Variants in NBAS observed in about 807,000 individuals in gnomAD.
NBAS encodes the protein NAG/BC035112 fusion.
In NBAS, 219 loss-of-function variants were observed where a neutral mutation model predicts 302.5. That is an observed-to-expected ratio of 0.72 (90% confidence interval 0.65 to 0.81). The LOEUF (loss-of-function observed/expected upper bound fraction) is 0.81. Among genes scored for constraint, NBAS ranks in the 30% least tolerant of loss-of-function variants. The probability of loss-of-function intolerance (pLI) is 0.00; values close to 1 mark genes in which losing one functional copy is unlikely to be tolerated. For missense variants in NBAS, 2,932 were observed against 2,841.6 expected, an observed-to-expected ratio of 1.03 and a Z score of -0.72; for synonymous variants, 1,118 against 1,021.6, an observed-to-expected ratio of 1.09 and a Z score of -1.80.
downstream of NBAS, among the ~76,000 whole-genome samples, chr2:15,163,497 G>A (rs529525777): frequency 6.6e-6 from 1 of 152,296 alleles, no homozygotes; most frequent in Admixed American, 6.5e-5. Context: ...GAGGGACTCA[G>A]GGACTCGGGC....
the NBAS span, among the ~76,000 whole-genome samples, chr2:15,154,552 T>TAC: frequency 6.6e-6 from 1 of 152,226 alleles, no homozygotes; most frequent in African/African-American, 2.4e-5. Flanking sequence ...GTGTACCTTC[T>TAC]ACATTCTTGC....
At chr2:15,551,934 T>C (rs1664403731) in intron 5 of NBAS, among the ~76,000 whole-genome samples, 1 of 152,222 alleles carries the variant, frequency 6.6e-6, no homozygotes, top group Non-Finnish European at 1.5e-5. Context: ...TGTATCATAT[T>C]ACAAAGTTTG....
chr2:14,924,607 A>T, the NBAS span, among the ~76,000 whole-genome samples: 2 of 152,206 alleles, frequency 1.3e-5, no homozygotes, highest in African/African-American at 4.8e-5. Flanking sequence ...TTCATATATA[A>T]TAATGTCCCG....
intron 51 of NBAS, 85 bp downstream of exon 51, chr2:15,178,903 T>G: frequency 6.3e-7 from 1 of 1,576,076 alleles, no homozygotes; most frequent in East Asian, 2.3e-5. Context: ...AACCACGGTG[T>G]TATTTATGAG....
At chr2:14,809,022 A>G in the NBAS span, among the ~76,000 whole-genome samples, 372 of 152,334 alleles carry the variant, frequency 2.4e-3, no homozygotes, top group African/African-American at 8.1e-3. Flanking sequence ...GAAGATGTAG[A>G]GTATCTAGCA....
the NBAS span, among the ~76,000 whole-genome samples, chr2:14,849,347 G>A: frequency 2.0e-5 from 3 of 151,494 alleles, no homozygotes; most frequent in African/African-American, 7.3e-5. Context: ...AAGATGAAAT[G>A]AATGAAATGA....
intron 35 of NBAS, among the ~76,000 whole-genome samples, chr2:15,345,060 G>A (rs747000522): frequency 3.9e-5 from 6 of 152,070 alleles, no homozygotes; most frequent in Non-Finnish European, 8.8e-5. Context: ...CACATTAAAT[G>A]GGCAAAAACT....
rs1342728047 is a variant in NBAS at position 15,542,025 on chromosome 2, G to A, written c.380-2669C>T. On this transcript the variant is annotated intron_variant, in intron 6 of 51. Transcript: ENST00000281513. Reference sequence around the variant, plus strand: ...GGTGGGGGGGTTCAGCCCCCCGCCCGGCCAGCCGCCCCGTCCAGGAGGTGA... The same window carrying A: ...GGTGGGGGGGTTCAGCCCCCCGCCCAGCCAGCCGCCCCGTCCAGGAGGTGA... 5.0e-5 allele frequency among the ~76,000 whole-genome samples: 4 copies of A among 80,198 alleles called. 2 individuals are homozygous for A. Among genetic ancestry groups the A allele is most frequent in the African/African-American group, 9.0e-5 (2 of 22,226 alleles). The allele number at this position is 80,198 out of a possible 152,430, so 52.6% of individuals were successfully genotyped here. A position where few individuals can be genotyped will look rare whatever the true frequency, so the allele number is the denominator to read the frequency against.
At position 15,186,699 on chromosome 2, in the gene NBAS, G is replaced by C. The variant is rs200909346; in HGVS notation, c.6711+43C>G. 1.8e-5 allele frequency: 29 copies of C among 1,613,174 alleles called. No individual in the cohort carries two copies. The East Asian group carries it at 6.5e-4, about 36-fold the overall frequency. Reference sequence around the variant, plus strand: ...TGCTTACAATAAAGAGTTCTGATAAGCAAAGGCCACTCCTTAGGAAAGCAC... The same window carrying C: ...TGCTTACAATAAAGAGTTCTGATAACCAAAGGCCACTCCTTAGGAAAGCAC... On this transcript the variant is annotated intron_variant, in intron 50 of 51. Coordinates refer to ENST00000281513, the MANE Select transcript of NBAS (RefSeq NM_015909.4).
At chr2:15,486,050 AG>A (rs989410101) in intron 12 of NBAS, among the ~76,000 whole-genome samples, 3 of 152,170 alleles carry the variant, frequency 2.0e-5, no homozygotes, top group African/African-American at 7.2e-5. Context: ...GCAGCAGGAA[AG>A]GGAGGGGTGG....
intron 21 of NBAS, among the ~76,000 whole-genome samples, chr2:15,445,511 G>C (rs1187954472): frequency 1.4e-3 from 160 of 112,764 alleles, no homozygotes; most frequent in Non-Finnish European, 2.3e-3. Context: ...GTTGTGGGGT[G>C]GGGGGAGGGG....
the NBAS span, among the ~76,000 whole-genome samples, chr2:14,979,652 T>C: frequency 2.6e-5 from 4 of 152,190 alleles, no homozygotes; most frequent in Non-Finnish European, 5.9e-5. Flanking sequence ...CCAAGTAACA[T>C]AGATCTATAA....
At chr2:14,981,573 G>A in the NBAS span, among the ~76,000 whole-genome samples, 1 of 152,280 alleles carries the variant, frequency 6.6e-6, no homozygotes, top group Admixed American at 6.5e-5. Context: ...TACCCAGCCA[G>A]GGACTACTCT....
In NBAS at chr2:15,461,252, A is replaced by G. The variant is rs776371101; in HGVS notation, c.2288T>C (p.Phe763Ser). The change falls in exon 21 of 52, where the codon TTT becomes TCT. Residue 763 changes from phenylalanine (F) to serine (S), a missense_variant. By Grantham distance (155) the Phe-to-Ser change is radical. Transcript: ENST00000281513. Reference sequence around the variant, plus strand: ...TTCATGTGGAGAAGTGGTCTCTGGAAAGTTGGACAGAATTGCAAGGCGATG... The same window carrying G: ...TTCATGTGGAGAAGTGGTCTCTGGAGAGTTGGACAGAATTGCAAGGCGATG... ...LPHRLAILSN[F>S]PETTSPHEYS... The G allele has an allele frequency of 6.2e-7, 1 of 1,613,892 alleles. No homozygotes were observed. The highest frequency in any genetic ancestry group is 1.7e-5 in the Admixed American group (1 of 60,022).
Position 15,328,228 on chromosome 2 carries a change from A to T in NBAS, c.4432T>A (p.Ser1478Thr), listed in dbSNP as rs1278665100. The part of the protein sequence containing the change: ...EKQGCHPFYE[S>T]VISNPFVAES... ...GCGACAAAAGGATTTGAGATGACAGATTCATAAAAAGGATGACACCCTTGT... is the reference window on the plus strand; with the variant it reads ...GCGACAAAAGGATTTGAGATGACAGTTTCATAAAAAGGATGACACCCTTGT... The change falls in exon 37 of 52, where the codon TCT becomes ACT. Residue 1478 changes from serine (S) to threonine (T), a missense_variant. By Grantham distance (58) the Ser-to-Thr change is moderately conservative. Transcript: ENST00000281513. 6.2e-6 allele frequency: 10 copies of T among 1,613,800 alleles called. No individual in the cohort carries two copies. In the African/African-American group the frequency reaches 1.3e-4, roughly 22 times the overall value.
At chr2:14,947,310 T>C in the NBAS span, among the ~76,000 whole-genome samples, 1 of 151,398 alleles carries the variant, frequency 6.6e-6, no homozygotes, top group South Asian at 2.1e-4. Context: ...CCCAAATACA[T>C]AAAATTAAAA....
chr2:14,956,241 C>T, the NBAS span, among the ~76,000 whole-genome samples: 5 of 152,236 alleles, frequency 3.3e-5, no homozygotes, highest in African/African-American at 1.2e-4. Context: ...TCATTGTCCA[C>T]ATCACTACCA....
chr2:15,379,753 A>G lies in NBAS; in HGVS notation c.3439T>C (p.Cys1147Arg), dbSNP rs1333577279. The G allele has an allele frequency of 2.5e-6, 4 of 1,613,968 alleles. No homozygotes were observed. Among genetic ancestry groups the G allele is most frequent in the Non-Finnish European group, 3.4e-6 (4 of 1,180,004 alleles). ...LAGQMMHCSA[C>R]SENPPAGIAH... ...ATACCAGCTGGAGGATTTTCTGAAC[A>G]AGCACTGCAGTGCATCATCTGTCCA... The change falls in exon 30 of 52, where the codon TGT (cysteine) becomes CGT (arginine). Residue 1147 changes from cysteine (C) to arginine (R), a missense_variant. Coordinates refer to ENST00000281513, the MANE Select transcript of NBAS (RefSeq NM_015909.4).
intron 41 of NBAS, 152 bp from the exon 42 acceptor site, chr2:15,287,335 T>A: frequency 1.4e-6 from 1 of 696,286 alleles, no homozygotes. Flanking sequence ...CCAGGAAAAG[T>A]ACTTCCAAGG....
Sources: allele counts gnomAD v4.1 joint callset (sites outside exome capture counted in the v4.1 genomes callset), GRCh38; gene constraint gnomAD v4.1.1; transcripts MANE v1.5; gene names NCBI Gene and HGNC (gene_info 2026-07-23, HGNC 2026-07-21).